The following ADARB1 variants were observed in gnomAD, a reference collection of about 807,000 sequenced individuals.
ADARB1 encodes the protein adenosine deaminase RNA specific B1.
A neutral mutation model predicts 52.4 loss-of-function variants in ADARB1; 10 were observed. The observed-to-expected ratio is 0.19, with a 90% CI of 0.12 to 0.32. ADARB1 has a LOEUF of 0.32. ADARB1 is among the 10% of genes least tolerant of loss of function. The pLI is 1.00. For missense variants in ADARB1, 643 were observed against 922.3 expected (o/e 0.70, Z 3.92); for synonymous variants, 349 against 371.1 (o/e 0.94, Z 0.68).
chr21:45,089,380 A>G (rs1285669952), intron 1 of ADARB1, among the ~76,000 whole-genome samples: 1 of 152,202 alleles, frequency 6.6e-6, no homozygotes, highest in African/African-American at 2.4e-5. Flanking sequence ...AAATGGCAGG[A>G]CCAGCCCCTG....
chr21:45,159,898 A>G (rs1295787451), intron 2 of ADARB1, among the ~76,000 whole-genome samples: 3 of 152,250 alleles, frequency 2.0e-5, no homozygotes, highest in Non-Finnish European at 4.4e-5. Flanking sequence ...TGTCACTTCC[A>G]TGCGCTGTGT....
rs544231397 is a variant in ADARB1 at position 45,179,724 on chromosome 21, G to A, written c.964-606G>A. Among the ~76,000 whole-genome samples the A allele has an allele frequency of 2.0e-5, 3 of 152,116 alleles. No individual in the cohort carries two copies. In the South Asian group the frequency reaches 6.2e-4, roughly 32 times the overall value. ...GTGAGCGGAGTCAGAGTGCATTTGTGTGGAGAGGCTGGAATGACTGAGAAG... is the reference window on the plus strand; with the variant it reads ...GTGAGCGGAGTCAGAGTGCATTTGTATGGAGAGGCTGGAATGACTGAGAAG... On this transcript the variant is annotated intron_variant, in intron 4 of 10. Transcript: ENST00000348831.
In ADARB1 at chr21:45,172,749, G is replaced by A. The variant is rs1454892965; in HGVS notation, c.28+1065G>A. On this transcript the variant is annotated intron_variant, in intron 3 of 10. Transcript: ENST00000348831. This position sits in a 1 kb window ranked among gnomAD's most constrained non-coding sequence, Gnocchi z 4.4. ...TGTGAGGGTGAGACCACCTCCTGCA[G>A]TGCTACCCAGGAACCACGGGACCAG... Among the ~76,000 whole-genome samples, 1 of 152,210 alleles carries A rather than the reference G, an allele frequency of 6.6e-6. No homozygotes were observed. The highest frequency in any genetic ancestry group is 1.5e-5 in the Non-Finnish European group (1 of 68,036).
intron 8 of ADARB1, among the ~76,000 whole-genome samples, chr21:45,191,485 A>G (rs2146264379): frequency 6.6e-6 from 1 of 152,142 alleles, no homozygotes; most frequent in Middle Eastern, 3.4e-3. Context: ...GAGCCTTTTT[A>G]TTATCATATA....
chr21:45,195,607 C>CT (rs777342557), intron 8 of ADARB1, among the ~76,000 whole-genome samples: 1,650 of 140,730 alleles, frequency 0.012, 16 homozygotes, highest in African/African-American at 0.027. Context: ...TGCCTAGATT[C>CT]TTTTTTTTTT....
chr21:45,219,427 G>A (rs1001151445), intron 9 of ADARB1, among the ~76,000 whole-genome samples: 1 of 152,212 alleles, frequency 6.6e-6, no homozygotes, highest in Non-Finnish European at 1.5e-5. Context: ...GGGAGGCAGA[G>A]GCAGGAGAAT....
At chr21:45,120,466 A>G (rs1464754519) in intron 1 of ADARB1, among the ~76,000 whole-genome samples, 1 of 152,148 alleles carries the variant, frequency 6.6e-6, no homozygotes, top group Non-Finnish European at 1.5e-5. Flanking sequence ...GTGAAGCTGC[A>G]CTTCTTCCGT....
At chr21:45,165,599 C>T (rs1252336788) in intron 2 of ADARB1, among the ~76,000 whole-genome samples, 1 of 152,142 alleles carries the variant, frequency 6.6e-6, no homozygotes, top group Non-Finnish European at 1.5e-5. Context: ...ATACTGAAAG[C>T]AAAATATAAA....
At chr21:45,127,932 C>G (rs368772641) in intron 1 of ADARB1, among the ~76,000 whole-genome samples, 11 of 152,200 alleles carry the variant, frequency 7.2e-5, no homozygotes, top group Non-Finnish European at 1.5e-4. Context: ...GATACTGTTT[C>G]ACAACCTCTG....
intron 2 of ADARB1, among the ~76,000 whole-genome samples, chr21:45,136,668 C>G (rs1267408585): frequency 6.6e-6 from 1 of 152,238 alleles, no homozygotes; most frequent in African/African-American, 2.4e-5. Context: ...AGCTGCCCCA[C>G]CAGCCAGCGG....
At position 45,225,166 on chromosome 21, in the gene ADARB1, G is replaced by C; in HGVS notation, c.*2969G>C. 4.8e-6 allele frequency: 5 copies of C among 1,032,830 alleles called. No homozygotes were observed. Among genetic ancestry groups the C allele is most frequent in the Non-Finnish European group, 4.6e-6 (4 of 861,912 alleles). 64.0% of individuals were successfully genotyped at this position (1,032,830 alleles called of 1,614,324 possible). A position where few individuals can be genotyped will look rare whatever the true frequency, so the allele number is the denominator to read the frequency against. On this transcript the variant is annotated 3_prime_UTR_variant, in exon 11 of 11. Transcript: ENST00000348831. ...ACCACTCAGGTACAGCTCTGCCAGGGACAGAGTCCTGCTAGTGGGAGGTCT... is the reference window on the plus strand; with the variant it reads ...ACCACTCAGGTACAGCTCTGCCAGGCACAGAGTCCTGCTAGTGGGAGGTCT...
intron 2 of ADARB1, among the ~76,000 whole-genome samples, chr21:45,143,423 C>T (rs1254332669): frequency 6.6e-6 from 1 of 152,254 alleles, no homozygotes; most frequent in Non-Finnish European, 1.5e-5. Context: ...CCTTTCTTTT[C>T]TATCCCACAT....
At chr21:45,093,554 G>A (rs2086641746) in intron 1 of ADARB1, among the ~76,000 whole-genome samples, 1 of 152,240 alleles carries the variant, frequency 6.6e-6, no homozygotes, top group African/African-American at 2.4e-5. Context: ...TCTGGAACTA[G>A]GTCTTACCCT....
chr21:45,095,744 T>A (rs1365200132), intron 1 of ADARB1, among the ~76,000 whole-genome samples: 1 of 152,180 alleles, frequency 6.6e-6, no homozygotes, highest in Non-Finnish European at 1.5e-5. Flanking sequence ...GGAAACCCAG[T>A]GTCTCTCATT....
intron 1 of ADARB1, among the ~76,000 whole-genome samples, chr21:45,095,622 G>A (rs2330005): frequency 1.1e-3 from 169 of 152,180 alleles, no homozygotes; most frequent in Non-Finnish European, 1.7e-3. Context: ...CAGGGTGCAC[G>A]TTTCCTTCTC....
Position 45,182,676 on chromosome 21 carries a change from A to G in ADARB1, c.1170A>G (p.Leu390=). ...GEYMSDRGLA[L]NDCHAEIISR... Reference sequence around the variant, plus strand: ...ACATGAGTGATCGTGGCCTTGCATTAAATGACTGCCATGCAGAAATAATAT... The same window carrying G: ...ACATGAGTGATCGTGGCCTTGCATTGAATGACTGCCATGCAGAAATAATAT... The change falls in exon 6 of 11, where the codon TTA becomes TTG. Residue 390 remains leucine, a synonymous_variant. Coordinates refer to ENST00000348831, the MANE Select transcript of ADARB1 (RefSeq NM_001112.4). The G allele has an allele frequency of 1.2e-6, 2 of 1,612,880 alleles. No homozygotes were observed. The highest frequency in any genetic ancestry group is 2.2e-5 in the South Asian group (2 of 90,758).
At chr21:45,124,165 G>T (rs1297867261) in intron 1 of ADARB1, among the ~76,000 whole-genome samples, 1 of 152,180 alleles carries the variant, frequency 6.6e-6, no homozygotes, top group Admixed American at 6.5e-5. Flanking sequence ...TGGATTGAGT[G>T]TGATCACATT....
chr21:45,174,814 C>G (rs1225545434), intron 3 of ADARB1, among the ~76,000 whole-genome samples: 1 of 151,992 alleles, frequency 6.6e-6, no homozygotes, highest in East Asian at 1.9e-4. Flanking sequence ...TGTATTAATT[C>G]AAAATCTGAA....
At chr21:45,215,830 C>G (rs974250004) in intron 9 of ADARB1, among the ~76,000 whole-genome samples, 4 of 152,120 alleles carry the variant, frequency 2.6e-5, no homozygotes, top group Non-Finnish European at 5.9e-5. Flanking sequence ...ATGTCTTTGT[C>G]AGGCATAAAA....
Sources: allele counts gnomAD v4.1 joint callset (sites outside exome capture counted in the v4.1 genomes callset), GRCh38; gene constraint gnomAD v4.1.1; non-coding constraint Gnocchi (gnomAD v3.1); transcripts MANE v1.5; gene names NCBI Gene and HGNC (gene_info 2026-07-23, HGNC 2026-07-21).